DDX60: variants seen among roughly 807,000 people sequenced by gnomAD.
DDX60 encodes the protein probable ATP-dependent RNA helicase DDX60.
In DDX60, 165 loss-of-function variants were observed where a neutral mutation model predicts 212.8. The ratio of observed to expected loss-of-function variants is 0.78; its 90% CI spans 0.68 to 0.88. The LOEUF (loss-of-function observed/expected upper bound fraction) is 0.88. Ranked by LOEUF, DDX60 falls within the 40% of genes least tolerant of loss-of-function variation. The pLI is 0.00. For missense variants in DDX60, 1,905 were observed against 2,003.9 expected, an observed-to-expected ratio of 0.95 and a Z score of 0.94; for synonymous variants, 703 against 685.3, an observed-to-expected ratio of 1.03 and a Z score of -0.40.
rs777677379 is a variant in DDX60 at position 168,262,713 on chromosome 4, A to G, written c.3114T>C (p.Phe1038=). 6.2e-7 allele frequency: 1 copy of G among 1,612,304 alleles called. No homozygotes were observed. Among genetic ancestry groups the G allele is most frequent in the East Asian group, 2.2e-5 (1 of 44,668 alleles). The change falls in exon 23 of 38, where the codon TTT becomes TTC. Residue 1038 remains phenylalanine (F), a synonymous_variant. Coordinates refer to ENST00000393743, the MANE Select transcript of DDX60 (RefSeq NM_017631.6). ...CCCGAGGCCAACTTTTCCAAATTTG[A>G]AACATGGCATCATACAGCTGGATGC... ...RESIQLYDAM[F]QIWKSWPRAQ...
At chr4:168,287,004 G>T in intron 10 of DDX60, 44 bp downstream of exon 10, 1 of 1,486,022 alleles carries the variant, frequency 6.7e-7, no homozygotes, top group Non-Finnish European at 9.1e-7. Flanking sequence ...AACACTTTCA[G>T]AGGAATAATG....
chr4:168,286,389 T>TAC (rs71867661), intron 10 of DDX60, among the ~76,000 whole-genome samples: 10,266 of 133,676 alleles, frequency 0.077, 805 homozygotes, highest in African/African-American at 0.21. Context: ...CTTGATTTTA[T>TAC]ACACACACAC....
intron 9 of DDX60, among the ~76,000 whole-genome samples, 175 bp from the exon 10 acceptor site, chr4:168,287,378 T>C (rs1029422275): frequency 6.6e-6 from 1 of 152,214 alleles, no homozygotes; most frequent in Non-Finnish European, 1.5e-5. Flanking sequence ...GACTATGAGA[T>C]ACAGATTGTA....
intron 32 of DDX60, 85 bp from the exon 33 acceptor site, chr4:168,236,458 T>C: frequency 3.2e-6 from 4 of 1,236,648 alleles, no homozygotes; most frequent in Non-Finnish European, 4.4e-6. Context: ...ATATTACATT[T>C]AATTTCATGG....
intron 35 of DDX60, among the ~76,000 whole-genome samples, chr4:168,223,092 G>A (rs992686844): frequency 6.6e-6 from 1 of 152,092 alleles, no homozygotes; most frequent in Non-Finnish European, 1.5e-5. Context: ...GTAATATGTA[G>A]TTTTTAAAAA....
chr4:168,277,524 CTG>C (rs1405189465), intron 14 of DDX60, among the ~76,000 whole-genome samples: 5 of 152,060 alleles, frequency 3.3e-5, no homozygotes, highest in Non-Finnish European at 7.4e-5. Flanking sequence ...CTGAGCTAAA[CTG>C]TGGTTCAAAA....
intron 7 of DDX60, 114 bp downstream of exon 7, chr4:168,293,673 T>C (rs752684560): frequency 1.7e-5 from 16 of 934,384 alleles, no homozygotes; most frequent in Non-Finnish European, 2.4e-5. Flanking sequence ...CTGAAGTTTA[T>C]ATAAATAAGA....
At chr4:168,223,931 C>T (rs1458058396) in intron 35 of DDX60, among the ~76,000 whole-genome samples, 1 of 151,936 alleles carries the variant, frequency 6.6e-6, no homozygotes, top group East Asian at 1.9e-4. Context: ...TATAGCAGTA[C>T]TGAGAAAGTC....
At chr4:168,223,704 A>G (rs888710838) in intron 35 of DDX60, among the ~76,000 whole-genome samples, 1 of 152,066 alleles carries the variant, frequency 6.6e-6, no homozygotes, top group African/African-American at 2.4e-5. Flanking sequence ...ATACATGACT[A>G]TGATTTTGGA....
chr4:168,278,666 T>G (rs186045422), intron 14 of DDX60, among the ~76,000 whole-genome samples: 1 of 152,070 alleles, frequency 6.6e-6, no homozygotes, highest in African/African-American at 2.4e-5. Flanking sequence ...CCATCTCTAG[T>G]AAAAATACAA....
At chr4:168,255,065 G>T (rs927638020) in intron 26 of DDX60, among the ~76,000 whole-genome samples, 1 of 152,024 alleles carries the variant, frequency 6.6e-6, no homozygotes, top group African/African-American at 2.4e-5. Flanking sequence ...GAACCTCAAG[G>T]CTCTCAAGTC....
intron 15 of DDX60, 116 bp from the exon 16 acceptor site, chr4:168,275,619 A>C: frequency 2.2e-6 from 2 of 903,030 alleles, no homozygotes; most frequent in South Asian, 2.8e-5. Flanking sequence ...CCACCTTTTA[A>C]ATTTAAATTT....
chr4:168,217,590 C>T (rs1449211401), intron 37 of DDX60, among the ~76,000 whole-genome samples: 1 of 152,094 alleles, frequency 6.6e-6, no homozygotes, highest in Non-Finnish European at 1.5e-5. Context: ...ATTATGGCTG[C>T]AGTGCGAATT....
intron 7 of DDX60, among the ~76,000 whole-genome samples, chr4:168,293,283 G>A (rs560480447): frequency 6.6e-6 from 1 of 152,280 alleles, no homozygotes; most frequent in South Asian, 2.1e-4. Flanking sequence ...CAGCAGGAAG[G>A]TTCTTTCAAA....
At chr4:168,268,816 A>G in intron 20 of DDX60, 38 bp downstream of exon 20, 1 of 1,136,302 alleles carries the variant, frequency 8.8e-7, no homozygotes, top group Non-Finnish European at 1.3e-6. Flanking sequence ...TATTCAAAAT[A>G]GATAAACACT....
intron 5 of DDX60, 23 bp from the exon 6 acceptor site, chr4:168,302,439 A>G: frequency 9.0e-7 from 1 of 1,109,992 alleles, no homozygotes; most frequent in Non-Finnish European, 1.2e-6. Context: ...GAAAAATCAG[A>G]AAAGTTGTTA....
At position 168,311,050 on chromosome 4, in the gene DDX60, T is replaced by A. The variant is rs759747734; in HGVS notation, c.22A>T (p.Thr8Ser). 7 of 1,579,912 alleles carry A rather than the reference T, an allele frequency of 4.4e-6. No individual in the cohort carries two copies. The South Asian group carries it at 6.8e-5, about 15-fold the overall frequency. ...AACTGGGACATTTCCTGTGAAAATG[T>A]TGTAAGAACATTTCTTTCTAAATTT... MERNVLT[T>S]FSQEMSQLIL... The change falls in exon 3 of 38, where the codon ACA (threonine) becomes TCA (serine). Residue 8 changes from threonine (T) to serine (S), a missense_variant. Physicochemically the swap from Thr to Ser is moderately conservative, Grantham distance 58. Coordinates refer to ENST00000393743, the MANE Select transcript of DDX60 (RefSeq NM_017631.6).
intron 14 of DDX60, among the ~76,000 whole-genome samples, chr4:168,279,547 GATTA>G (rs1275356028): frequency 2.0e-5 from 3 of 152,300 alleles, no homozygotes; most frequent in Admixed American, 6.5e-5. Context: ...AGATGCAATG[GATTA>G]ATTAAACCCA....
In DDX60 at chr4:168,301,832, C is replaced by A. The variant is rs1264627363; in HGVS notation, c.723+468G>T. ...GTAACTTCACAGTAGAGAAAACTGT[C>A]AGGCACCAACTTAACTAATGCTCAG... On this transcript the variant is annotated intron_variant, in intron 6 of 37. Transcript: ENST00000393743. 2.6e-5 allele frequency among the ~76,000 whole-genome samples: 4 copies of A among 152,234 alleles called. No individual in the cohort carries two copies. In the East Asian group the frequency reaches 7.7e-4, roughly 29 times the overall value.
Sources: gnomAD v4.1 joint callset for allele counts (sites outside exome capture counted in the v4.1 genomes callset) on GRCh38, gnomAD v4.1.1 for gene constraint, MANE v1.5 for transcripts, NCBI Gene and HGNC (gene_info 2026-07-23, HGNC 2026-07-21) for gene names.